Variants in FBXL20 observed in about 807,000 individuals in gnomAD.
FBXL20 encodes the protein F-box/LRR-repeat protein 20.
In FBXL20, 11 loss-of-function variants were observed where a neutral mutation model predicts 64.0. The ratio of observed to expected loss-of-function variants is 0.17; its 90% CI spans 0.11 to 0.28. The LOEUF is 0.28. Among genes scored for constraint, FBXL20 ranks in the 10% least tolerant of loss-of-function variants. FBXL20 has a pLI of 1.00. For synonymous variants in FBXL20, 184 were observed against 189.0 expected (o/e 0.97, Z 0.22); for missense variants, 303 against 526.2 (o/e 0.58, Z 4.15).
chr17:39,290,204 C>T, intron 6 of FBXL20, among the ~76,000 whole-genome samples: 1 of 151,508 alleles, frequency 6.6e-6, no homozygotes, highest in East Asian at 1.9e-4. Flanking sequence ...GTATCTTAAA[C>T]TTCATTTTCC....
intron 1 of FBXL20, among the ~76,000 whole-genome samples, chr17:39,349,887 G>T (rs912680951): frequency 9.3e-5 from 14 of 149,946 alleles, no homozygotes; most frequent in Non-Finnish European, 1.8e-4. Context: ...AGTGAGCAGA[G>T]ATCGCGCCAC....
Position 39,261,389 on chromosome 17 carries a change from T to G in FBXL20, c.*71A>C. On this transcript the variant is annotated 3_prime_UTR_variant, in exon 15 of 15. Transcript: ENST00000264658. ...CTCAGAACACTGGGGTTGCTTCCACTGGAGAGACTCCACGGTAGCTCTAGA... is the reference window on the plus strand; with the variant it reads ...CTCAGAACACTGGGGTTGCTTCCACGGGAGAGACTCCACGGTAGCTCTAGA... 1 of 1,283,050 alleles carries G rather than the reference T, an allele frequency of 7.8e-7. No homozygotes were observed. The highest frequency in any genetic ancestry group is 1.1e-6 in the Non-Finnish European group (1 of 880,320). The allele number at this position is 1,283,050 out of a possible 1,614,324, so 79.5% of individuals were successfully genotyped here.
chr17:39,292,791 ATTTT>A (rs566595490), intron 6 of FBXL20, among the ~76,000 whole-genome samples: 1 of 131,232 alleles, frequency 7.6e-6, no homozygotes, highest in African/African-American at 2.8e-5. Context: ...ATGTCTTATA[ATTTT>A]TTTTTTTTTT....
intron 2 of FBXL20, among the ~76,000 whole-genome samples, chr17:39,323,865 C>T (rs902403075): frequency 6.6e-6 from 1 of 151,368 alleles, no homozygotes; most frequent in African/African-American, 2.4e-5. Flanking sequence ...CTCCCAGGTT[C>T]AAGCAATTCT....
chr17:39,379,204 T>TC (rs1272214671), intron 1 of FBXL20, among the ~76,000 whole-genome samples: 1 of 149,496 alleles, frequency 6.7e-6, no homozygotes, highest in East Asian at 2.0e-4. Context: ...AGAGTGAAAC[T>TC]CCGTCTCAAA....
At chr17:39,383,676 G>A (rs76717443) in intron 1 of FBXL20, among the ~76,000 whole-genome samples, 1 of 144,908 alleles carries the variant, frequency 6.9e-6, no homozygotes, top group African/African-American at 2.5e-5. Flanking sequence ...TGCAACCTCC[G>A]CCTCCCAGGT....
chr17:39,317,831 A>T (rs1035424022), intron 2 of FBXL20, among the ~76,000 whole-genome samples: 2 of 151,020 alleles, frequency 1.3e-5, no homozygotes, highest in African/African-American at 2.4e-5. Flanking sequence ...CCTCCCCAGC[A>T]GCTGGGACTA....
At chr17:39,336,638 A>G (rs571882858) in intron 2 of FBXL20, among the ~76,000 whole-genome samples, 1 of 152,212 alleles carries the variant, frequency 6.6e-6, no homozygotes, top group African/African-American at 2.4e-5. Flanking sequence ...AGCCTGGCCA[A>G]CATGGTGAAA....
At chr17:39,379,485 C>CGAAAA (rs558054675) in intron 1 of FBXL20, among the ~76,000 whole-genome samples, 1 of 127,112 alleles carries the variant, frequency 7.9e-6, no homozygotes, top group African/African-American at 2.9e-5. Context: ...CATCCCTTAC[C>CGAAAA]AAAAAAAAAA....
intron 2 of FBXL20, among the ~76,000 whole-genome samples, chr17:39,320,687 C>G (rs1370792799): frequency 2.0e-5 from 3 of 151,874 alleles, no homozygotes; most frequent in South Asian, 2.1e-4. Context: ...CTCCGCCTCC[C>G]AGGCTCAAGC....
At chr17:39,310,163 A>AAG (rs1480811004) in intron 2 of FBXL20, among the ~76,000 whole-genome samples, 2 of 151,262 alleles carry the variant, frequency 1.3e-5, no homozygotes, top group Non-Finnish European at 2.9e-5. Flanking sequence ...TAAAAAAAAA[A>AAG]AAAAAGAAAA....
intron 1 of FBXL20, among the ~76,000 whole-genome samples, chr17:39,401,134 G>T (rs1328916614): frequency 6.6e-6 from 1 of 152,186 alleles, no homozygotes; most frequent in African/African-American, 2.4e-5. Context: ...AATCCCCCGC[G>T]GGGGCCCGCT....
chr17:39,289,412 C>T (rs532613543), intron 6 of FBXL20, among the ~76,000 whole-genome samples: 15 of 152,306 alleles, frequency 9.8e-5, no homozygotes, highest in African/African-American at 3.1e-4. Context: ...AATCCCAACA[C>T]TGTGGGAGGC....
chr17:39,362,688 G>A (rs1043717970), intron 1 of FBXL20, among the ~76,000 whole-genome samples: 11 of 142,998 alleles, frequency 7.7e-5, no homozygotes, highest in South Asian at 4.5e-4. Flanking sequence ...GTGCGACCTC[G>A]GCTCACTGCA....
rs186602823 is a variant in FBXL20, at chr17:39,365,995, A to T, written c.43-22754T>A. Among the ~76,000 whole-genome samples the T allele has an allele frequency of 9.0e-3, 1,366 of 152,204 alleles. 14 individuals carry two copies. Among genetic ancestry groups the T allele is most frequent in the African/African-American group, 0.031 (1,290 of 41,486 alleles). On this transcript the variant is annotated intron_variant, in intron 1 of 14. Transcript: ENST00000264658. ...TAAAAGACAACAACGGAATTTAAAA[A>T]AATTTTTTTTTTTTTAGAGATGGGG...
At chr17:39,303,439 G>C (rs745963640) in intron 3 of FBXL20, 146 bp downstream of exon 3, 1 of 582,214 alleles carries the variant, frequency 1.7e-6, no homozygotes, top group Admixed American at 3.3e-5. Context: ...ATTTACATGG[G>C]TTTGGGTATG....
At chr17:39,286,135 G>C (rs1032313407) in intron 6 of FBXL20, among the ~76,000 whole-genome samples, 9 of 152,182 alleles carry the variant, frequency 5.9e-5, no homozygotes, top group African/African-American at 1.9e-4. Flanking sequence ...ATATTTAACA[G>C]ATCATGGAAA....
chr17:39,366,386 G>C (rs1334183825), intron 1 of FBXL20, among the ~76,000 whole-genome samples: 1 of 152,048 alleles, frequency 6.6e-6, no homozygotes, highest in Non-Finnish European at 1.5e-5. Context: ...TTTCTCTGGT[G>C]CTAAACATTC....
intron 1 of FBXL20, among the ~76,000 whole-genome samples, chr17:39,398,258 G>T (rs1325868075): frequency 2.0e-5 from 3 of 151,974 alleles, no homozygotes; most frequent in Admixed American, 1.3e-4. Flanking sequence ...CCAGCCTGGG[G>T]ACAAGGGCAA....
Sources: gnomAD v4.1 joint callset for allele counts (sites outside exome capture counted in the v4.1 genomes callset) on GRCh38, gnomAD v4.1.1 for gene constraint, MANE v1.5 for transcripts, NCBI Gene and HGNC (gene_info 2026-07-23, HGNC 2026-07-21) for gene names.